Variants in RNF150 observed in about 807,000 individuals in gnomAD.
RNF150 encodes the protein ring finger protein 150.
RNF150 carries 24 observed loss-of-function variants against 39.3 expected under a neutral mutation model. The ratio of observed to expected loss-of-function variants is 0.61; its 90% CI spans 0.44 to 0.86. RNF150 has a LOEUF of 0.86. Ranked by LOEUF, RNF150 falls within the 40% of genes least tolerant of loss-of-function variation. The probability of loss-of-function intolerance (pLI) is 0.00; values close to 1 mark genes in which losing one functional copy is unlikely to be tolerated. For synonymous variants in RNF150, 255 were observed against 227.3 expected (o/e 1.12, Z -1.10); for missense variants, 502 against 587.8 (o/e 0.85, Z 1.51).
At chr4:141,037,942 T>C (rs186622495) in intron 1 of RNF150, among the ~76,000 whole-genome samples, 1 of 152,312 alleles carries the variant, frequency 6.6e-6, no homozygotes, top group Admixed American at 6.5e-5. Context: ...TAACATGCAA[T>C]CATATACACT....
chr4:141,086,566 T>C (rs1738374004), intron 1 of RNF150, among the ~76,000 whole-genome samples: 1 of 152,092 alleles, frequency 6.6e-6, no homozygotes, highest in South Asian at 2.1e-4. Flanking sequence ...ATGAACTATA[T>C]GCAAATAATC....
intron 1 of RNF150, among the ~76,000 whole-genome samples, chr4:141,117,247 A>G (rs1265340694): frequency 6.6e-6 from 1 of 152,252 alleles, no homozygotes; most frequent in Non-Finnish European, 1.5e-5. Flanking sequence ...TACACTAAGA[A>G]GTGTTTCTTG....
At chr4:141,052,360 A>T (rs182137083) in intron 1 of RNF150, among the ~76,000 whole-genome samples, 8 of 152,248 alleles carry the variant, frequency 5.3e-5, no homozygotes, top group African/African-American at 1.7e-4. Context: ...CACATTAGCA[A>T]CAAAACCTTT....
At chr4:141,011,596 A>G (rs1228864466) in intron 1 of RNF150, among the ~76,000 whole-genome samples, 3 of 152,242 alleles carry the variant, frequency 2.0e-5, no homozygotes, top group Non-Finnish European at 4.4e-5. Flanking sequence ...GTGTCATTTT[A>G]TCATTGTGTG....
At chr4:141,055,859 T>C (rs564317683) in intron 1 of RNF150, among the ~76,000 whole-genome samples, 47 of 152,350 alleles carry the variant, frequency 3.1e-4, no homozygotes, top group African/African-American at 1.1e-3. Flanking sequence ...ATTTTTTAAA[T>C]GATGAAAGAA....
At chr4:141,076,122 T>A (rs1474166654) in intron 1 of RNF150, among the ~76,000 whole-genome samples, 1 of 152,226 alleles carries the variant, frequency 6.6e-6, no homozygotes, top group African/African-American at 2.4e-5. Context: ...TCTAAAGATT[T>A]CTGTGAAGTT....
chr4:141,165,524 C>A (rs1727585060), intron 1 of RNF150, among the ~76,000 whole-genome samples: 1 of 152,196 alleles, frequency 6.6e-6, no homozygotes, highest in African/African-American at 2.4e-5. Context: ...CACACTTATT[C>A]TAAAATTGAC....
rs546252687 is a variant in RNF150, at chr4:141,101,860, C to A, written c.484+30465G>T. 4.6e-5 allele frequency among the ~76,000 whole-genome samples: 7 copies of A among 152,306 alleles called. No homozygotes were observed. The South Asian group carries it at 1.5e-3, about 32-fold the overall frequency. On this transcript the variant is annotated intron_variant, in intron 1 of 6. Transcript: ENST00000515673. ...GCAGTGGCACAATCTCGGCTCACTG[C>A]AACCTCTGCCTCAGAGGTTCAAGCG...
chr4:140,912,727 C>T lies in RNF150; in HGVS notation c.988-1373G>A, dbSNP rs73857126. 7.7e-3 allele frequency among the ~76,000 whole-genome samples: 1,159 copies of T among 151,254 alleles called. 14 individuals carry two copies. The highest frequency in any genetic ancestry group is 0.027 in the African/African-American group (1,111 of 40,568). ...AGTTTATTCATTTCTTTCCTGTATT[C>T]TTTCTTCTTTTTGCCCTCTCTAGCT... On this transcript the variant is annotated intron_variant, in intron 5 of 6. Transcript: ENST00000515673.
chr4:140,942,050 G>A (rs1189547915), intron 4 of RNF150, among the ~76,000 whole-genome samples: 2 of 152,248 alleles, frequency 1.3e-5, no homozygotes, highest in East Asian at 1.9e-4. Context: ...AGGTTGAGAC[G>A]TTCTAGAGAT....
In RNF150 at chr4:141,011,431, A is replaced by G. The variant is rs1267734732; in HGVS notation, c.485-43558T>C. On this transcript the variant is annotated intron_variant, in intron 1 of 6. Coordinates refer to ENST00000515673, the MANE Select transcript of RNF150 (RefSeq NM_020724.2). ...CTCAATAGTTCTAACTTTACCTTAG[A>G]AACACAGCTGTCAGAATATCGGATT... Among the ~76,000 whole-genome samples, 3 of 152,236 alleles carry G rather than the reference A, an allele frequency of 2.0e-5. No homozygotes were observed. The East Asian group carries it at 5.8e-4, about 29-fold the overall frequency.
chr4:140,920,129 A>G (rs1731046346), intron 5 of RNF150, among the ~76,000 whole-genome samples: 1 of 150,348 alleles, frequency 6.7e-6, no homozygotes, highest in Non-Finnish European at 1.5e-5. Context: ...AGGCATGGGC[A>G]AGGACTTCAT....
intron 2 of RNF150, among the ~76,000 whole-genome samples, chr4:140,963,677 G>A (rs972321316): frequency 6.6e-6 from 1 of 151,836 alleles, no homozygotes; most frequent in African/African-American, 2.4e-5. Flanking sequence ...TAAAACACTA[G>A]CAAATATAAT....
chr4:141,107,734 A>C (rs912028838), intron 1 of RNF150, among the ~76,000 whole-genome samples: 1 of 152,202 alleles, frequency 6.6e-6, no homozygotes, highest in Non-Finnish European at 1.5e-5. Context: ...CCTCCTCTCC[A>C]TATTAAAATC....
chr4:141,136,008 G>A (rs1216061863), upstream of RNF150, among the ~76,000 whole-genome samples: 2 of 152,180 alleles, frequency 1.3e-5, no homozygotes, highest in African/African-American at 2.4e-5. Context: ...CCCAGGATGA[G>A]AGGCAACCTT....
intron 6 of RNF150, among the ~76,000 whole-genome samples, chr4:140,889,457 GT>G (rs1729685400): frequency 6.6e-6 from 1 of 152,088 alleles, no homozygotes; most frequent in African/African-American, 2.4e-5. Context: ...TTTATGTGAT[GT>G]TTTTCTATAC....
At position 141,177,902 on chromosome 4, in the gene RNF150, A is replaced by G. The variant is rs566115669; in HGVS notation, c.-6+34892T>C. ...TAAAGAATCTTATACTGCTATAAGAATAAACTGAATAAACAATAAACCCAA... is the reference window on the plus strand; with the variant it reads ...TAAAGAATCTTATACTGCTATAAGAGTAAACTGAATAAACAATAAACCCAA... On this transcript the variant is annotated intron_variant, in intron 1 of 7. Transcript: ENST00000420921. Among the ~76,000 whole-genome samples the G allele has an allele frequency of 2.0e-5, 3 of 152,304 alleles. No homozygotes were observed. In the East Asian group the frequency reaches 5.8e-4, roughly 29 times the overall value.
At chr4:140,918,596 T>C (rs1290557146) in intron 5 of RNF150, among the ~76,000 whole-genome samples, 1 of 152,050 alleles carries the variant, frequency 6.6e-6, no homozygotes, top group Non-Finnish European at 1.5e-5. Context: ...AGCCGAATTC[T>C]ACCAGAGGTA....
intron 6 of RNF150, among the ~76,000 whole-genome samples, chr4:140,884,519 T>G (rs574185984): frequency 4.5e-4 from 68 of 152,174 alleles, no homozygotes; most frequent in South Asian, 1.2e-3. Context: ...GCTTTCTGGG[T>G]TTTTGTATGT....
Sources: gnomAD v4.1 joint callset for allele counts (sites outside exome capture counted in the v4.1 genomes callset) on GRCh38, gnomAD v4.1.1 for gene constraint, MANE v1.5 for transcripts, NCBI Gene and HGNC (gene_info 2026-07-23, HGNC 2026-07-21) for gene names.